Variants in TRIM40 observed in about 807,000 individuals in gnomAD.
TRIM40 encodes E3 ubiquitin ligase TRIM40.
TRIM40 carries 27 observed loss-of-function variants against 26.1 expected under a neutral mutation model. That is an observed-to-expected ratio of 1.04 (90% CI 0.76 to 1.43). The LOEUF (loss-of-function observed/expected upper bound fraction) is 1.43, where lower values mean the gene tolerates loss of function less well. Among genes scored for constraint, TRIM40 ranks in the 40% most tolerant of loss-of-function variants. The pLI is 0.00. For missense variants in TRIM40, 289 were observed against 307.9 expected (o/e 0.94, Z 0.46); for synonymous variants, 114 against 120.0 (o/e 0.95, Z 0.33).
At chr6:30,140,624 C>T (rs550371599) in intron 2 of TRIM40, among the ~76,000 whole-genome samples, 5 of 152,164 alleles carry the variant, frequency 3.3e-5, no homozygotes, top group South Asian at 2.1e-4. Flanking sequence ...ACGTGGATGA[C>T]GGTTTGATGG....
chr6:30,143,827 T>C (rs1771492457), intron 2 of TRIM40, among the ~76,000 whole-genome samples: 1 of 152,100 alleles, frequency 6.6e-6, no homozygotes, highest in African/African-American at 2.4e-5. Context: ...TTGTAAACAA[T>C]ATGACAGTAT....
At position 30,136,947 on chromosome 6, in the gene TRIM40, A is replaced by C. The variant is rs1184994490; in HGVS notation, c.-90A>C. On this transcript the variant is annotated 5_prime_UTR_variant, in exon 2 of 6. Coordinates refer to ENST00000396581, the MANE Select transcript of TRIM40 (RefSeq NM_001286633.2). ...TGCCTCCTTCCGACTGGGCCTTCTT[A>C]TCTGGGACTGTTGAGGGCAACAGGC... The C allele has an allele frequency of 7.4e-7, 1 of 1,353,868 alleles. No individual in the cohort carries two copies. Among genetic ancestry groups the C allele is most frequent in the Non-Finnish European group, 1.0e-6 (1 of 989,504 alleles). The allele number at this position is 1,353,868 out of a possible 1,614,324, so 83.9% of individuals were successfully genotyped here. A position where few individuals can be genotyped will look rare whatever the true frequency, so the allele number is the denominator to read the frequency against.
intron 3 of TRIM40, among the ~76,000 whole-genome samples, chr6:30,146,355 A>C (rs1312268643): frequency 6.6e-6 from 1 of 152,196 alleles, no homozygotes; most frequent in African/African-American, 2.4e-5. Flanking sequence ...AAAGGAGACC[A>C]GTGTCTCGTC....
At chr6:30,137,836 A>T (rs1209620155) in intron 2 of TRIM40, among the ~76,000 whole-genome samples, 1 of 152,128 alleles carries the variant, frequency 6.6e-6, no homozygotes, top group Non-Finnish European at 1.5e-5. Flanking sequence ...CATTTGTCTT[A>T]TCTTTCCTTT....
Position 30,147,833 on chromosome 6 carries a change from C to G in TRIM40, c.*21C>G, listed in dbSNP as rs760464192. 1 of 1,608,472 alleles carries G rather than the reference C, an allele frequency of 6.2e-7. No homozygotes were observed. The highest frequency in any genetic ancestry group is 8.5e-7 in the Non-Finnish European group (1 of 1,174,850). On this transcript the variant is annotated 3_prime_UTR_variant, in exon 6 of 6. Coordinates refer to ENST00000396581, the MANE Select transcript of TRIM40 (RefSeq NM_001286633.2). ...TCTGACCTGTTCATCCCTGGGACAC[C>G]TCACTTCAGGCTCACCTCAGCCTCC... is the stretch of plus-strand genomic sequence containing the variant.
chr6:30,138,508 CT>C (rs1243632813), intron 2 of TRIM40, among the ~76,000 whole-genome samples: 2 of 152,070 alleles, frequency 1.3e-5, no homozygotes, highest in Non-Finnish European at 2.9e-5. Context: ...TGCATACTGC[CT>C]TGATTCTTTG....
intron 4 of TRIM40, 63 bp downstream of exon 4, chr6:30,147,272 C>T: frequency 6.3e-7 from 1 of 1,580,844 alleles, no homozygotes; most frequent in Non-Finnish European, 8.7e-7. Context: ...AGCCCATCTG[C>T]ATCACCCTTC....
chr6:30,138,569 A>T (rs1268292108), intron 2 of TRIM40, among the ~76,000 whole-genome samples: 1 of 152,018 alleles, frequency 6.6e-6, no homozygotes, highest in Non-Finnish European at 1.5e-5. Context: ...TATTTTAGAG[A>T]TTTTATCCTT....
intron 2 of TRIM40, among the ~76,000 whole-genome samples, chr6:30,144,974 G>C (rs1771561701): frequency 6.6e-6 from 1 of 152,122 alleles, no homozygotes; most frequent in Non-Finnish European, 1.5e-5. Context: ...GGAAATGCCT[G>C]CAGGAAACAC....
intron 4 of TRIM40, 62 bp downstream of exon 4, chr6:30,147,271 G>A (rs1416602027): frequency 1.3e-6 from 2 of 1,584,528 alleles, no homozygotes; most frequent in Non-Finnish European, 1.7e-6. Flanking sequence ...CAGCCCATCT[G>A]CATCACCCTT....
At chr6:30,145,604 C>T (rs1215215431) in intron 2 of TRIM40, among the ~76,000 whole-genome samples, 1 of 152,192 alleles carries the variant, frequency 6.6e-6, no homozygotes, top group Non-Finnish European at 1.5e-5. Context: ...AGAGGGTTGC[C>T]ATTTCCTCTT....
rs1383803750 is a variant in TRIM40, at chr6:30,146,015, A to C, written c.367A>C (p.Arg123=). ...HYKERLNRRS[R]KLRKDIAELQ... ...TTAGGAACGACTCAATCGCCGGAGC[A>C]GGAAGCTCAGAAAGGACATTGCAGA... Residue 123 remains arginine (R), a synonymous_variant, in exon 3 of 6, where the codon AGG becomes CGG. Coordinates refer to ENST00000396581, the MANE Select transcript of TRIM40 (RefSeq NM_001286633.2). 1 of 1,613,084 alleles carries C rather than the reference A, an allele frequency of 6.2e-7. No homozygotes were observed. The highest frequency in any genetic ancestry group is 1.7e-5 in the Admixed American group (1 of 60,032).
rs968278256 is a variant in TRIM40, at chr6:30,136,978, G to A, written c.-59G>A. 3.2e-5 allele frequency: 49 copies of A among 1,547,752 alleles called. No homozygotes were observed. Among genetic ancestry groups the A allele is most frequent in the South Asian group, 2.7e-4 (22 of 82,002 alleles). ...GACTGTTGAGGGCAACAGGCCTTCC[G>A]AAGACCAGTGAAGAAGGAGGCCCTG... On this transcript the variant is annotated 5_prime_UTR_variant, in exon 2 of 6. Coordinates refer to ENST00000396581, the MANE Select transcript of TRIM40 (RefSeq NM_001286633.2).
chr6:30,146,090 G>T lies in TRIM40; in HGVS notation c.441+1G>T. 1 of 1,612,392 alleles carries T rather than the reference G, an allele frequency of 6.2e-7. No individual in the cohort carries two copies. ...GGAGAAGAAACTGCAGGCTCTGCAGGTGGGTTTTTCGGGTTCCTGGGAAGG... is the reference window on the plus strand; with the variant it reads ...GGAGAAGAAACTGCAGGCTCTGCAGTTGGGTTTTTCGGGTTCCTGGGAAGG... On this transcript the variant is annotated splice_donor_variant, in intron 3 of 5. Transcript: ENST00000396581. LOFTEE classifies it high-confidence loss of function.
intron 2 of TRIM40, among the ~76,000 whole-genome samples, chr6:30,142,000 G>A (rs1187747192): frequency 6.6e-6 from 1 of 152,144 alleles, no homozygotes; most frequent in Non-Finnish European, 1.5e-5. Flanking sequence ...AACACAGAGA[G>A]GGAGGGTAAG....
intron 5 of TRIM40, 74 bp downstream of exon 5, chr6:30,147,616 G>C: frequency 6.2e-7 from 1 of 1,612,906 alleles, no homozygotes; most frequent in South Asian, 1.1e-5. Flanking sequence ...AGAGGTCAAG[G>C]AGACCCACTG....
At position 30,145,998 on chromosome 6, in the gene TRIM40, G is replaced by A. The variant is rs761884634; in HGVS notation, c.350G>A (p.Arg117Gln). 1.9e-5 allele frequency: 30 copies of A among 1,612,814 alleles called. No individual in the cohort carries two copies. Among genetic ancestry groups the A allele is most frequent in the African/African-American group, 2.7e-5 (2 of 74,900 alleles). Reference protein sequence around the residue: ...IENALSHYKERLNRRSRKLRK... With the variant: ...IENALSHYKEQLNRRSRKLRK... ...CAGGTGTGTCTGTCTCTTTAGGAAC[G>A]ACTCAATCGCCGGAGCAGGAAGCTC... The change falls in exon 3 of 6, where the codon CGA (arginine) becomes CAA (glutamine). Residue 117 changes from arginine to glutamine, a missense_variant. Transcript: ENST00000396581.
At chr6:30,138,940 T>A (rs1771172007) in intron 2 of TRIM40, among the ~76,000 whole-genome samples, 1 of 152,216 alleles carries the variant, frequency 6.6e-6, no homozygotes, top group African/African-American at 2.4e-5. Flanking sequence ...TATTTGGTTC[T>A]AACATCATTC....
In TRIM40 at chr6:30,146,064, AG is replaced by A; in HGVS notation, c.418del (p.Glu140ArgfsTer11). ...GAACTTCAGCGGCTCAAGGCTCAGC[AG>A]GAGAAGAAACTGCAGGCTCTGCAGG... ...IAELQRLKAQ[Q>X]EKKLQALQFQ... On this transcript the variant is annotated frameshift_variant, in exon 3 of 6. Transcript: ENST00000396581. LOFTEE classifies it high-confidence loss of function. 1 of 1,613,002 alleles carries A rather than the reference AG, an allele frequency of 6.2e-7. No homozygotes were observed. The highest frequency in any genetic ancestry group is 8.5e-7 in the Non-Finnish European group (1 of 1,180,004).
Sources: gnomAD v4.1 joint callset for allele counts (sites outside exome capture counted in the v4.1 genomes callset) on GRCh38, gnomAD v4.1.1 for gene constraint, MANE v1.5 for transcripts, NCBI Gene and HGNC (gene_info 2026-07-23, HGNC 2026-07-21) for gene names.